CDH17: variants seen among roughly 807,000 people sequenced by gnomAD.
CDH17 encodes the protein cadherin-17.
In CDH17, 67 loss-of-function variants were observed where a neutral mutation model predicts 86.3. That is an observed-to-expected ratio of 0.78 (90% CI 0.64 to 0.95). The LOEUF (loss-of-function observed/expected upper bound fraction) is 0.95. CDH17 is among the 40% of genes least tolerant of loss of function. The pLI is 0.00. For missense variants in CDH17, 993 were observed against 1,017.6 expected (o/e 0.98, Z 0.33); for synonymous variants, 367 against 366.4 (o/e 1.00, Z -0.02).
intron 1 of CDH17, among the ~76,000 whole-genome samples, chr8:94,204,308 C>G (rs1393347733): frequency 2.0e-5 from 3 of 151,994 alleles, no homozygotes; most frequent in Non-Finnish European, 4.4e-5. Flanking sequence ...CGCTTGCCTC[C>G]CACCCCAGGA....
At chr8:94,199,868 T>TA (rs768179497) in intron 1 of CDH17, among the ~76,000 whole-genome samples, 6 of 152,144 alleles carry the variant, frequency 3.9e-5, no homozygotes, top group Non-Finnish European at 8.8e-5. Context: ...ATAATAATAA[T>TA]AATACCTACC....
chr8:94,211,199 T>C (rs1814117093), upstream of CDH17, among the ~76,000 whole-genome samples: 1 of 152,142 alleles, frequency 6.6e-6, no homozygotes, highest in African/African-American at 2.4e-5. Context: ...AATTAATTTA[T>C]GGACATTTGT....
At chr8:94,166,559 G>T (rs1340053667) in intron 9 of CDH17, among the ~76,000 whole-genome samples, 1 of 152,082 alleles carries the variant, frequency 6.6e-6, no homozygotes, top group African/African-American at 2.4e-5. Flanking sequence ...AATTTGGGGG[G>T]CACGGGGACA....
chr8:94,161,737 A>G (rs76197260), intron 11 of CDH17, among the ~76,000 whole-genome samples: 3,604 of 152,316 alleles, frequency 0.024, 138 homozygotes, highest in African/African-American at 0.083. Context: ...CTAGCAGTAA[A>G]TCTATTTATT....
chr8:94,133,542 T>C (rs2262591), intron 15 of CDH17, among the ~76,000 whole-genome samples: 14,649 of 152,272 alleles, frequency 0.096, 788 homozygotes, highest in Middle Eastern at 0.16. Flanking sequence ...GCTTATCAGC[T>C]TAAGGAGATT....
At chr8:94,131,073 C>T in intron 15 of CDH17, 81 bp from the exon 16 acceptor site, 1 of 752,530 alleles carries the variant, frequency 1.3e-6, no homozygotes, top group Non-Finnish European at 2.3e-6. Context: ...GTATCACATA[C>T]TAAGGTTGAC....
intron 1 of CDH17, among the ~76,000 whole-genome samples, chr8:94,207,170 A>G (rs1814045524): frequency 1.3e-5 from 2 of 152,194 alleles, no homozygotes; most frequent in South Asian, 4.1e-4. Context: ...CTACTTCCTG[A>G]ACATAGAATT....
chr8:94,184,806 G>A (rs1414349108), intron 3 of CDH17, among the ~76,000 whole-genome samples: 1 of 152,162 alleles, frequency 6.6e-6, no homozygotes, highest in African/African-American at 2.4e-5. Flanking sequence ...GGTGAGTACA[G>A]AGCTGGCACT....
chr8:94,137,308 G>C (rs1047777620), intron 15 of CDH17, among the ~76,000 whole-genome samples: 13 of 152,270 alleles, frequency 8.5e-5, no homozygotes, highest in Middle Eastern at 3.4e-3. Context: ...CCCCATTTGA[G>C]CTTCCCAGCC....
intron 15 of CDH17, among the ~76,000 whole-genome samples, chr8:94,145,079 G>C (rs1483901460): frequency 2.6e-5 from 4 of 152,148 alleles, no homozygotes; most frequent in Non-Finnish European, 4.4e-5. Flanking sequence ...AGAACAATTT[G>C]GAAAGTAGTT....
At chr8:94,164,407 T>G (rs1276266061) in intron 10 of CDH17, among the ~76,000 whole-genome samples, 1 of 152,222 alleles carries the variant, frequency 6.6e-6, no homozygotes, top group Admixed American at 6.5e-5. Context: ...GCATGGTGCC[T>G]CAAATAGGTA....
At chr8:94,178,075 T>C (rs1205531885) in intron 3 of CDH17, among the ~76,000 whole-genome samples, 1 of 152,192 alleles carries the variant, frequency 6.6e-6, no homozygotes, top group Admixed American at 6.5e-5. Context: ...ATAAAATATG[T>C]CATTTAGCAC....
chr8:94,187,091 T>A (rs1218052258), intron 3 of CDH17, among the ~76,000 whole-genome samples: 1 of 152,230 alleles, frequency 6.6e-6, no homozygotes, highest in East Asian at 1.9e-4. Flanking sequence ...ACCATCTTTA[T>A]TTGAAATTGA....
At chr8:94,207,418 G>T (rs1814050501) in intron 1 of CDH17, among the ~76,000 whole-genome samples, 1 of 152,164 alleles carries the variant, frequency 6.6e-6, no homozygotes, top group South Asian at 2.1e-4. Context: ...CAAGTCTCTA[G>T]TGGCAGCTCT....
chr8:94,164,140 C>T (rs1006394519), intron 10 of CDH17, among the ~76,000 whole-genome samples: 1 of 152,216 alleles, frequency 6.6e-6, no homozygotes, highest in Non-Finnish European at 1.5e-5. Flanking sequence ...TCCAGGTCCT[C>T]ATGTATTTCC....
intron 1 of CDH17, among the ~76,000 whole-genome samples, chr8:94,203,318 A>G (rs1813957729): frequency 6.6e-6 from 1 of 152,222 alleles, no homozygotes; most frequent in South Asian, 2.1e-4. Flanking sequence ...TTCAAAGAAC[A>G]AAGAAGTTGC....
intron 7 of CDH17, among the ~76,000 whole-genome samples, chr8:94,173,181 A>G (rs1352963477): frequency 2.6e-5 from 4 of 152,156 alleles, no homozygotes; most frequent in African/African-American, 7.2e-5. Flanking sequence ...AAGCAAAAGT[A>G]TATATCTGAT....
chr8:94,216,463 C>A (rs1164187075), intron 1 of CDH17, among the ~76,000 whole-genome samples: 4 of 152,066 alleles, frequency 2.6e-5, no homozygotes, highest in Non-Finnish European at 4.4e-5. Context: ...CGGCGGAGGA[C>A]CCTCACTTCC....
intron 1 of CDH17, among the ~76,000 whole-genome samples, chr8:94,195,640 T>C (rs76294589): frequency 0.031 from 4,743 of 152,320 alleles, 95 homozygotes; most frequent in Non-Finnish European, 0.048. Context: ...ACTTTCACTA[T>C]GAGACATGTC....
Sources: gnomAD v4.1 joint callset for allele counts (sites outside exome capture counted in the v4.1 genomes callset) on GRCh38, gnomAD v4.1.1 for gene constraint, MANE v1.5 for transcripts, NCBI Gene and HGNC (gene_info 2026-07-23, HGNC 2026-07-21) for gene names.